The following ULK4 variants were observed in gnomAD, a reference collection of about 807,000 sequenced individuals.
ULK4 encodes the protein inactive serine/threonine-protein kinase ULK4.
ULK4 carries 133 observed loss-of-function variants against 160.6 expected under a neutral mutation model. The ratio of observed to expected loss-of-function variants is 0.83; its 90% CI spans 0.72 to 0.96. ULK4 has a LOEUF of 0.96. Ranked by LOEUF, ULK4 falls within the 40% of genes least tolerant of loss-of-function variation. ULK4 has a pLI of 0.00. For synonymous variants in ULK4, 534 were observed against 539.8 expected (o/e 0.99, Z 0.15); for missense variants, 1,580 against 1,499.5 (o/e 1.05, Z -0.89).
chr3:41,856,527 ATATAT>A (rs1457769063), intron 17 of ULK4, among the ~76,000 whole-genome samples: 22 of 125,244 alleles, frequency 1.8e-4, no homozygotes, highest in African/African-American at 7.6e-4. Context: ...ATATATATAT[ATATAT>A]GTATGTATAT....
chr3:41,521,956 G>A (rs1215730444), intron 32 of ULK4, among the ~76,000 whole-genome samples: 1 of 151,974 alleles, frequency 6.6e-6, no homozygotes, highest in African/African-American at 2.4e-5. Flanking sequence ...TTGGAAGATA[G>A]CTTCAAAAAA....
At chr3:41,758,752 A>G (rs1010300220) in intron 21 of ULK4, among the ~76,000 whole-genome samples, 5 of 151,978 alleles carry the variant, frequency 3.3e-5, no homozygotes, top group African/African-American at 4.8e-5. Flanking sequence ...GGGTGCCTGT[A>G]GTCCCAGCTA....
In ULK4 at chr3:41,436,237, G is replaced by A. The variant is rs556927919; in HGVS notation, c.3492+19260C>T. 4.6e-5 allele frequency among the ~76,000 whole-genome samples: 7 copies of A among 152,290 alleles called. No homozygotes were observed. In the South Asian group the frequency reaches 1.0e-3, roughly 23 times the overall value. On this transcript the variant is annotated intron_variant, in intron 34 of 36. Coordinates refer to ENST00000301831, the MANE Select transcript of ULK4 (RefSeq NM_017886.4). The stretch of plus-strand genomic sequence containing the variant: ...TGTTCTGAGCACATATAAGGTAGGC[G>A]AGGCTAAGCTATGATGTTTGGTAGG...
chr3:41,398,582 T>G (rs2125815279), intron 34 of ULK4, among the ~76,000 whole-genome samples: 1 of 146,728 alleles, frequency 6.8e-6, no homozygotes, highest in Admixed American at 6.9e-5. Flanking sequence ...GGTAGAGACG[T>G]GGTCCCCCTA....
At chr3:41,740,467 G>A (rs764534137) in intron 22 of ULK4, among the ~76,000 whole-genome samples, 8 of 151,686 alleles carry the variant, frequency 5.3e-5, no homozygotes, top group East Asian at 1.9e-4. Flanking sequence ...TTATTTTATC[G>A]CCTGTCATAG....
At chr3:41,874,472 C>T (rs543594109) in intron 17 of ULK4, among the ~76,000 whole-genome samples, 2 of 152,302 alleles carry the variant, frequency 1.3e-5, no homozygotes, top group Admixed American at 1.3e-4. Flanking sequence ...ATAATTCTTA[C>T]AATATTTCAC....
chr3:41,520,817 T>C (rs1196429285), intron 32 of ULK4, among the ~76,000 whole-genome samples: 3 of 152,198 alleles, frequency 2.0e-5, no homozygotes, highest in South Asian at 2.1e-4. Flanking sequence ...ATTAAAGATA[T>C]TGATTATTTT....
At chr3:41,440,387 C>T (rs183167446) in intron 34 of ULK4, among the ~76,000 whole-genome samples, 1 of 152,108 alleles carries the variant, frequency 6.6e-6, no homozygotes, top group Non-Finnish European at 1.5e-5. Flanking sequence ...TAGATTTTTA[C>T]CAAGTACATT....
At chr3:41,503,004 A>T (rs1012042429) in intron 32 of ULK4, among the ~76,000 whole-genome samples, 1 of 152,232 alleles carries the variant, frequency 6.6e-6, no homozygotes, top group African/African-American at 2.4e-5. Context: ...ACAGCAATAC[A>T]ACTATTGATA....
intron 21 of ULK4, among the ~76,000 whole-genome samples, chr3:41,774,988 C>G (rs1454264760): frequency 6.8e-6 from 1 of 147,804 alleles, no homozygotes; most frequent in African/African-American, 2.6e-5. Flanking sequence ...AACCAAACAC[C>G]GCATGTTCTC....
chr3:41,618,305 T>A (rs1288234080), intron 30 of ULK4, among the ~76,000 whole-genome samples: 1 of 151,738 alleles, frequency 6.6e-6, no homozygotes, highest in Non-Finnish European at 1.5e-5. Flanking sequence ...GAAGAACAAC[T>A]CCAAGAAACA....
chr3:41,625,791 A>T lies in ULK4; in HGVS notation c.3072-10074T>A, dbSNP rs182073975. On this transcript the variant is annotated intron_variant, in intron 30 of 36. Coordinates refer to ENST00000301831, the MANE Select transcript of ULK4 (RefSeq NM_017886.4). ...TGTCTATAATTTACAGACAGCCTGAAGGACAAGAAGTGAAGAGATTTACCT... is the reference window on the plus strand; with the variant it reads ...TGTCTATAATTTACAGACAGCCTGATGGACAAGAAGTGAAGAGATTTACCT... 2.6e-5 allele frequency among the ~76,000 whole-genome samples: 4 copies of T among 152,368 alleles called. No individual in the cohort carries two copies. In the East Asian group the frequency reaches 5.8e-4, roughly 22 times the overall value.
intron 35 of ULK4, among the ~76,000 whole-genome samples, chr3:41,353,584 C>T (rs2080957227): frequency 6.6e-6 from 1 of 151,898 alleles, no homozygotes; most frequent in East Asian, 1.9e-4. Context: ...AGGAGGATCA[C>T]CTGAGCCCAG....
chr3:41,638,177 T>C (rs538276425), intron 30 of ULK4, among the ~76,000 whole-genome samples: 11 of 152,332 alleles, frequency 7.2e-5, no homozygotes, highest in East Asian at 5.8e-4. Flanking sequence ...AAACAAACTC[T>C]ACCAATTTGT....
At chr3:41,748,222 T>C (rs2038486014) in intron 22 of ULK4, among the ~76,000 whole-genome samples, 1 of 143,278 alleles carries the variant, frequency 7.0e-6, no homozygotes, top group Non-Finnish European at 1.5e-5. Context: ...AGAGGCCACA[T>C]ATATATATAC....
intron 35 of ULK4, among the ~76,000 whole-genome samples, chr3:41,282,605 A>G (rs2079380505): frequency 6.6e-6 from 1 of 152,220 alleles, no homozygotes; most frequent in South Asian, 2.1e-4. Flanking sequence ...ATATGTAGAA[A>G]GCTGAAACTG....
In ULK4 at chr3:41,313,202, T is replaced by A. The variant is rs117378481; in HGVS notation, c.3679-63628A>T. 4.9e-4 allele frequency among the ~76,000 whole-genome samples: 74 copies of A among 152,312 alleles called. No homozygotes were observed. In the East Asian group the frequency reaches 0.013, roughly 26 times the overall value. On this transcript the variant is annotated intron_variant, in intron 35 of 36. Coordinates refer to ENST00000301831, the MANE Select transcript of ULK4 (RefSeq NM_017886.4). ...AGATGAAAAGTAGGAAGGCATTTAG[T>A]GGCAATGTGTTTTTCCATGAGCAAG...
intron 17 of ULK4, among the ~76,000 whole-genome samples, chr3:41,882,896 A>G (rs371013873): frequency 6.6e-6 from 1 of 152,154 alleles, no homozygotes; most frequent in Non-Finnish European, 1.5e-5. Flanking sequence ...TAGATGCTCA[A>G]TCTTTCAGAC....
intron 31 of ULK4, among the ~76,000 whole-genome samples, chr3:41,611,650 A>G (rs1359526629): frequency 6.6e-6 from 1 of 151,408 alleles, no homozygotes; most frequent in East Asian, 1.9e-4. Flanking sequence ...AGTTTCCAGT[A>G]CATGCCCATG....
Sources: allele counts gnomAD v4.1 joint callset (sites outside exome capture counted in the v4.1 genomes callset), GRCh38; gene constraint gnomAD v4.1.1; transcripts MANE v1.5; gene names NCBI Gene and HGNC (gene_info 2026-07-23, HGNC 2026-07-21).